The following VANGL1 variants were observed in gnomAD, a reference collection of about 807,000 sequenced individuals.
The protein encoded by VANGL1 is VANGL planar cell polarity protein 1, also known as vang-like protein 1.
VANGL1 carries 18 observed loss-of-function variants against 48.4 expected under a neutral mutation model. That is an observed-to-expected ratio of 0.37 (90% CI 0.26 to 0.55). The LOEUF (loss-of-function observed/expected upper bound fraction) is 0.55. Among genes scored for constraint, VANGL1 ranks in the 20% least tolerant of loss-of-function variants. VANGL1 has a pLI of 0.81. For missense variants in VANGL1, 667 were observed against 675.8 expected, an observed-to-expected ratio of 0.99 and a Z score of 0.14; for synonymous variants, 257 against 261.8, an observed-to-expected ratio of 0.98 and a Z score of 0.18.
At chr1:115,690,393 A>C (rs1653785315) in intron 7 of VANGL1, among the ~76,000 whole-genome samples, 1 of 152,338 alleles carries the variant, frequency 6.6e-6, no homozygotes, top group Non-Finnish European at 1.5e-5. Flanking sequence ...AACTCCATCG[A>C]GCCAGGTGCC....
In VANGL1 at chr1:115,691,490, A is replaced by G; in HGVS notation, c.*111A>G. 8.2e-7 allele frequency: 1 copy of G among 1,226,178 alleles called. No homozygotes were observed. 76.0% of individuals were successfully genotyped at this position (1,226,178 alleles called of 1,614,324 possible). A position where few individuals can be genotyped will look rare whatever the true frequency, so the allele number is the denominator to read the frequency against. On this transcript the variant is annotated 3_prime_UTR_variant, in exon 8 of 8. Coordinates refer to ENST00000355485, the MANE Select transcript of VANGL1 (RefSeq NM_138959.3). Reference sequence around the variant, plus strand: ...AAATTCTTCTTCATTGCTGACTGAAACTGGCAGATGATTGACCAGTATCCT... The same window carrying G: ...AAATTCTTCTTCATTGCTGACTGAAGCTGGCAGATGATTGACCAGTATCCT...
rs3811007 is a variant in VANGL1, at chr1:115,697,578, A to T, written c.*6199A>T. 0.23 allele frequency: 35,371 copies of T among 152,164 alleles called. 4,167 individuals are homozygous for T. Among genetic ancestry groups the T allele is most frequent in the South Asian group, 0.29 (1,414 of 4,830 alleles). 9.4% of individuals were successfully genotyped at this position (152,164 alleles called of 1,614,324 possible). On this transcript the variant is annotated 3_prime_UTR_variant, in exon 8 of 8. Coordinates refer to ENST00000355485, the MANE Select transcript of VANGL1 (RefSeq NM_138959.3). ...CTCAGTGATTTAACTCACATTATAG[A>T]TGACCCCTTCCTCAACAGAAATGCT... is the stretch of plus-strand genomic sequence containing the variant.
chr1:115,662,302 T>C (rs1652589869), intron 3 of VANGL1, among the ~76,000 whole-genome samples: 1 of 152,222 alleles, frequency 6.6e-6, no homozygotes, highest in Admixed American at 6.5e-5. Flanking sequence ...TAACTGAAAC[T>C]AGCTTTTTCT....
chr1:115,645,083 A>G (rs1330514780), intron 1 of VANGL1, among the ~76,000 whole-genome samples: 2 of 152,172 alleles, frequency 1.3e-5, no homozygotes, highest in African/African-American at 4.8e-5. Flanking sequence ...TTTGCCCTGC[A>G]TCTCTGCCCG....
intron 7 of VANGL1, among the ~76,000 whole-genome samples, chr1:115,686,275 A>G (rs959896770): frequency 6.6e-6 from 1 of 151,748 alleles, no homozygotes; most frequent in African/African-American, 2.4e-5. Context: ...TTTATTGGTA[A>G]AAAATAGAAT....
chr1:115,647,914 T>C (rs921237940), intron 1 of VANGL1, among the ~76,000 whole-genome samples: 1 of 152,212 alleles, frequency 6.6e-6, no homozygotes, highest in Non-Finnish European at 1.5e-5. Context: ...TTTCAGTAAG[T>C]ATTTGTTGGG....
chr1:115,642,483 C>G (rs935734610), intron 1 of VANGL1: 8 of 152,302 alleles, frequency 5.3e-5, no homozygotes, highest in Non-Finnish European at 1.0e-4. Context: ...AGGGAGTGGC[C>G]GAGCGTTGGA....
At position 115,692,293 on chromosome 1, in the gene VANGL1, A is replaced by G. The variant is rs1653871469; in HGVS notation, c.*914A>G. Reference sequence around the variant, plus strand: ...GCCCAGTTTTCCTCCCCACTGTTCTACACCAACCAGGGGAGACTAACACTG... The same window carrying G: ...GCCCAGTTTTCCTCCCCACTGTTCTGCACCAACCAGGGGAGACTAACACTG... On this transcript the variant is annotated 3_prime_UTR_variant, in exon 8 of 8. Transcript: ENST00000355485. 1 of 152,732 alleles carries G rather than the reference A, an allele frequency of 6.5e-6. No individual in the cohort carries two copies. Among genetic ancestry groups the G allele is most frequent in the African/African-American group, 2.4e-5 (1 of 41,456 alleles). 9.5% of individuals were successfully genotyped at this position (152,732 alleles called of 1,614,324 possible). A position where few individuals can be genotyped will look rare whatever the true frequency, so the allele number is the denominator to read the frequency against.
At chr1:115,684,227 C>T (rs763944282) in intron 6 of VANGL1, 151 bp downstream of exon 6, 38 of 833,398 alleles carry the variant, frequency 4.6e-5, no homozygotes, top group Non-Finnish European at 5.8e-5. Flanking sequence ...TCACCTCTGC[C>T]TCCCAGGTTC....
At chr1:115,659,895 C>T in intron 3 of VANGL1, 122 bp downstream of exon 3, 1 of 1,360,146 alleles carries the variant, frequency 7.4e-7, no homozygotes, top group East Asian at 2.4e-5. Context: ...ATTAGTTTAT[C>T]TATGTCCCAT....
chr1:115,666,466 G>A (rs1003221424), intron 4 of VANGL1, among the ~76,000 whole-genome samples: 1 of 152,192 alleles, frequency 6.6e-6, no homozygotes, highest in African/African-American at 2.4e-5. Flanking sequence ...AGCTCTGCTG[G>A]TCAGGGCAGA....
chr1:115,671,246 G>A (rs1652960926), intron 4 of VANGL1: 1 of 152,424 alleles, frequency 6.6e-6, no homozygotes. Context: ...GAGGATTCTT[G>A]CTGCAGGCCA....
chr1:115,669,903 A>G (rs184026997), intron 4 of VANGL1, among the ~76,000 whole-genome samples: 1 of 152,272 alleles, frequency 6.6e-6, no homozygotes, highest in East Asian at 1.9e-4. Flanking sequence ...CACATTGTCA[A>G]TTGTGATTAT....
rs574004032 is a variant in VANGL1 at position 115,660,588 on chromosome 1, A to T, written c.204+815A>T. Among the ~76,000 whole-genome samples, 143 of 152,334 alleles carry T rather than the reference A, an allele frequency of 9.4e-4. 1 individual carries two copies. The highest frequency in any genetic ancestry group is 3.4e-3 in the Middle Eastern group (1 of 294). ...TGATTTAAATAAACATCTGAGCTAT[A>T]CACAGAAACATGTCTGCATACCCTC... On this transcript the variant is annotated intron_variant, in intron 3 of 7. Transcript: ENST00000355485.
rs1222825109 is a variant in VANGL1 at position 115,696,714 on chromosome 1, T to G, written c.*5335T>G. The stretch of plus-strand genomic sequence containing the variant: ...TGTTTTGTCTATGAAATAAGCCTCT[T>G]TAGTGGGTTGTTTTAGTCTCTCCAA... On this transcript the variant is annotated 3_prime_UTR_variant, in exon 8 of 8. Transcript: ENST00000355485. 1.3e-5 allele frequency: 2 copies of G among 152,218 alleles called. No homozygotes were observed. The allele number at this position is 152,218 out of a possible 1,614,324, so 9.4% of individuals were successfully genotyped here.
At chr1:115,663,057 T>C (rs965176663) in intron 3 of VANGL1, among the ~76,000 whole-genome samples, 2 of 152,176 alleles carry the variant, frequency 1.3e-5, no homozygotes, top group Non-Finnish European at 2.9e-5. Flanking sequence ...AGTACGGGGA[T>C]TACAGGTGTG....
At chr1:115,642,596 A>G (rs1188849127) in intron 1 of VANGL1, 1 of 152,240 alleles carries the variant, frequency 6.6e-6, no homozygotes, top group Admixed American at 6.5e-5. Context: ...GCCCTTCGCC[A>G]GGAACCGGGA....
chr1:115,677,008 C>T (rs1031829547), intron 4 of VANGL1, among the ~76,000 whole-genome samples: 4 of 152,222 alleles, frequency 2.6e-5, no homozygotes, highest in Non-Finnish European at 4.4e-5. Flanking sequence ...AGCCTGGAGT[C>T]ATGTTGTCTG....
chr1:115,683,847 G>T (rs1570771584), intron 5 of VANGL1, 97 bp from the exon 6 acceptor site: 10 of 1,487,586 alleles, frequency 6.7e-6, no homozygotes, highest in African/African-American at 2.8e-5. Context: ...TCCATAGGGG[G>T]TGGGTAGACA....
Sources: allele counts gnomAD v4.1 joint callset (sites outside exome capture counted in the v4.1 genomes callset), GRCh38; gene constraint gnomAD v4.1.1; transcripts MANE v1.5; gene names NCBI Gene and HGNC (gene_info 2026-07-23, HGNC 2026-07-21).